The following OPCML variants were observed in gnomAD, a reference collection of about 807,000 sequenced individuals.
OPCML encodes the protein opioid-binding protein/cell adhesion molecule.
OPCML carries 13 observed loss-of-function variants against 37.8 expected under a neutral mutation model. That is an observed-to-expected ratio of 0.34 (90% CI 0.22 to 0.55). The LOEUF (loss-of-function observed/expected upper bound fraction) is 0.55. Ranked by LOEUF, OPCML falls within the 20% of genes least tolerant of loss-of-function variation. The pLI is 0.91. For synonymous variants in OPCML, 176 were observed against 168.8 expected (o/e 1.04, Z -0.33); for missense variants, 341 against 435.6 (o/e 0.78, Z 1.93).
intron 1 of OPCML, among the ~76,000 whole-genome samples, chr11:133,524,713 C>G (rs143654711): frequency 6.6e-6 from 1 of 152,210 alleles, no homozygotes; most frequent in Non-Finnish European, 1.5e-5. Flanking sequence ...TGGTCGGTAG[C>G]TCAGAGCTGG....
intron 2 of OPCML, among the ~76,000 whole-genome samples, chr11:132,704,559 T>G (rs1170560190): frequency 6.6e-6 from 1 of 152,212 alleles, no homozygotes; most frequent in African/African-American, 2.4e-5. Flanking sequence ...AAATGAAAGA[T>G]ATTACAGTTA....
chr11:133,505,469 G>T (rs1403877332), intron 1 of OPCML, among the ~76,000 whole-genome samples: 1 of 152,168 alleles, frequency 6.6e-6, no homozygotes, highest in African/African-American at 2.4e-5. Flanking sequence ...ACCACCAAAT[G>T]CACCTGTCTT....
chr11:133,041,932 C>T (rs944726681), intron 1 of OPCML, among the ~76,000 whole-genome samples: 3 of 152,104 alleles, frequency 2.0e-5, no homozygotes, highest in Non-Finnish European at 4.4e-5. Context: ...GGCTGCGAGT[C>T]GCCTCCAAAT....
intron 1 of OPCML, among the ~76,000 whole-genome samples, chr11:133,133,262 G>C (rs765195606): frequency 6.6e-6 from 1 of 152,080 alleles, no homozygotes; most frequent in African/African-American, 2.4e-5. Flanking sequence ...AGTCTGGTTC[G>C]GAAGCAGTGT....
At chr11:133,325,576 C>A (rs763278109) in intron 1 of OPCML, among the ~76,000 whole-genome samples, 5 of 152,036 alleles carry the variant, frequency 3.3e-5, no homozygotes, top group Non-Finnish European at 7.3e-5. Context: ...ATATATATCC[C>A]ACTTTTAGTA....
chr11:133,342,631 A>C (rs2136673892), intron 1 of OPCML, among the ~76,000 whole-genome samples: 1 of 152,266 alleles, frequency 6.6e-6, no homozygotes, highest in Middle Eastern at 3.4e-3. Flanking sequence ...AAGCGTGTGA[A>C]GAGGGAGGGC....
intron 1 of OPCML, among the ~76,000 whole-genome samples, chr11:133,368,169 G>A (rs1030815765): frequency 1.3e-5 from 2 of 151,556 alleles, no homozygotes; most frequent in South Asian, 2.1e-4. Flanking sequence ...TTAGTCCAAT[G>A]TGAAAGCGAA....
chr11:132,997,597 G>A (rs1036470131), intron 1 of OPCML, among the ~76,000 whole-genome samples: 1 of 152,202 alleles, frequency 6.6e-6, no homozygotes, highest in East Asian at 1.9e-4. Context: ...TAGGCAACAG[G>A]GAGCTGAGCA....
intron 1 of OPCML, among the ~76,000 whole-genome samples, chr11:133,093,960 GAT>G (rs1948956959): frequency 6.6e-6 from 1 of 151,842 alleles, no homozygotes; most frequent in Non-Finnish European, 1.5e-5. Context: ...TAAGTGGAAG[GAT>G]ATGTCCGGTG....
chr11:132,711,547 C>A (rs3016382), intron 2 of OPCML, among the ~76,000 whole-genome samples: 67,800 of 151,982 alleles, frequency 0.45, 15,309 homozygotes, highest in South Asian at 0.51. Context: ...TTAGGCTGGG[C>A]GAATATTAGT....
intron 4 of OPCML, among the ~76,000 whole-genome samples, chr11:132,441,868 G>A (rs759912690): frequency 6.6e-5 from 10 of 152,180 alleles, no homozygotes; most frequent in Non-Finnish European, 1.3e-4. Context: ...AGGGTTCTGT[G>A]GATCTAAGGG....
chr11:133,325,849 T>C (rs1337565779), intron 1 of OPCML, among the ~76,000 whole-genome samples: 1 of 152,200 alleles, frequency 6.6e-6, no homozygotes, highest in Non-Finnish European at 1.5e-5. Context: ...CCTTCTTTCC[T>C]GCAATGCGGC....
At chr11:133,435,163 T>C (rs971697528) in intron 1 of OPCML, among the ~76,000 whole-genome samples, 2 of 152,158 alleles carry the variant, frequency 1.3e-5, no homozygotes, top group Non-Finnish European at 2.9e-5. Context: ...TTTTCAGTTA[T>C]ATTTTATTGC....
chr11:133,036,962 C>T (rs1006530186), intron 1 of OPCML, among the ~76,000 whole-genome samples: 2 of 152,130 alleles, frequency 1.3e-5, no homozygotes, highest in Non-Finnish European at 2.9e-5. Flanking sequence ...GCAGGAGCTC[C>T]AAGACCATGA....
At chr11:132,763,259 G>A (rs927577826) in intron 2 of OPCML, among the ~76,000 whole-genome samples, 3 of 151,970 alleles carry the variant, frequency 2.0e-5, no homozygotes, top group Admixed American at 6.6e-5. Context: ...GTTTCTATTC[G>A]GCCATCTTGC....
At chr11:133,379,196 T>C (rs1944877893) in intron 1 of OPCML, among the ~76,000 whole-genome samples, 1 of 152,212 alleles carries the variant, frequency 6.6e-6, no homozygotes, top group South Asian at 2.1e-4. Context: ...CTGTTACATG[T>C]CCATTGAAGG....
chr11:132,626,707 A>C (rs552700143), intron 3 of OPCML, among the ~76,000 whole-genome samples: 4 of 148,970 alleles, frequency 2.7e-5, no homozygotes, highest in African/African-American at 5.0e-5. Context: ...AAAAAAAAAA[A>C]CATGCATTTA....
chr11:132,548,780 T>C (rs1177876944), intron 3 of OPCML, among the ~76,000 whole-genome samples: 1 of 152,244 alleles, frequency 6.6e-6, no homozygotes, highest in African/African-American at 2.4e-5. Flanking sequence ...AGGTGCCTCC[T>C]TGACATATCT....
chr11:132,862,035 A>G (rs1942328766), intron 2 of OPCML, among the ~76,000 whole-genome samples: 1 of 152,048 alleles, frequency 6.6e-6, no homozygotes, highest in South Asian at 2.1e-4. Flanking sequence ...AAACATCTTC[A>G]ATTTGCATGT....
Sources: allele counts gnomAD v4.1 joint callset (sites outside exome capture counted in the v4.1 genomes callset), GRCh38; gene constraint gnomAD v4.1.1; transcripts MANE v1.5; gene names NCBI Gene and HGNC (gene_info 2026-07-23, HGNC 2026-07-21).